The following ACTR3C variants were observed in gnomAD, a reference collection of about 807,000 sequenced individuals.
ACTR3C encodes actin related protein 3C, also known as actin-related protein 3C.
A neutral mutation model predicts 26.3 loss-of-function variants in ACTR3C; 18 were observed. The observed-to-expected ratio is 0.68, with a 90% CI of 0.47 to 1.01. The LOEUF is 1.01. Ranked by LOEUF, ACTR3C falls within the 50% of genes least tolerant of loss-of-function variation. The pLI is 0.00. For synonymous variants in ACTR3C, 55 were observed against 94.5 expected, an observed-to-expected ratio of 0.58 and a Z score of 2.42; for missense variants, 184 against 250.7, an observed-to-expected ratio of 0.73 and a Z score of 1.80.
At chr7:149,954,579 A>T in the ACTR3C span, among the ~76,000 whole-genome samples, 1 of 152,174 alleles carries the variant, frequency 6.6e-6, no homozygotes, top group African/African-American at 2.4e-5. Context: ...ATCCAATGCC[A>T]ACTATATTCC....
chr7:150,070,243 A>G, the ACTR3C span, among the ~76,000 whole-genome samples: 1 of 152,164 alleles, frequency 6.6e-6, no homozygotes, highest in African/African-American at 2.4e-5. Flanking sequence ...TCACGGCTGT[A>G]AGAACAAGGA....
chr7:150,315,924 G>A lies in ACTR3C; in HGVS notation c.-52+7545C>T, dbSNP rs1218214951. Among the ~76,000 whole-genome samples, 4 of 152,162 alleles carry A rather than the reference G, an allele frequency of 2.6e-5. No homozygotes were observed. The East Asian group carries it at 5.8e-4, about 22-fold the overall frequency. On this transcript the variant is annotated intron_variant, in intron 1 of 7. Coordinates refer to ENST00000683684, the MANE Select transcript of ACTR3C (RefSeq NM_001164458.2). ...TTAAAAACGAATGCATAGGCCGGCC[G>A]CGGTGGCTCACGCCTGTAATCCCAG...
At chr7:149,927,597 G>T in the ACTR3C span, among the ~76,000 whole-genome samples, 1 of 151,410 alleles carries the variant, frequency 6.6e-6, no homozygotes, top group Non-Finnish European at 1.5e-5. Flanking sequence ...GCATAGTGGC[G>T]CATGCCTGTA....
chr7:149,939,718 A>T, the ACTR3C span, among the ~76,000 whole-genome samples: 2 of 148,150 alleles, frequency 1.3e-5, no homozygotes, highest in African/African-American at 4.9e-5. Context: ...CTTGGCTCTG[A>T]AATTTTAGAT....
chr7:150,222,825 G>T, the ACTR3C span, among the ~76,000 whole-genome samples: 2 of 152,182 alleles, frequency 1.3e-5, no homozygotes, highest in African/African-American at 4.8e-5. Context: ...TGACTTTGAC[G>T]TAATCAGTTA....
the ACTR3C span, among the ~76,000 whole-genome samples, chr7:149,908,283 A>G: frequency 6.6e-6 from 1 of 152,172 alleles, no homozygotes; most frequent in Non-Finnish European, 1.5e-5. Context: ...AGTATTTTTT[A>G]TGGCAGCCCA....
chr7:150,041,134 C>T, the ACTR3C span, among the ~76,000 whole-genome samples: 1 of 150,466 alleles, frequency 6.6e-6, no homozygotes, highest in Admixed American at 6.6e-5. Flanking sequence ...GCTGGGGCTG[C>T]CAGAAGATTT....
chr7:149,945,279 G>A, the ACTR3C span, among the ~76,000 whole-genome samples: 1 of 149,964 alleles, frequency 6.7e-6, no homozygotes, highest in Non-Finnish European at 1.5e-5. Context: ...CTGAGGGAGG[G>A]CAAGGGGATG....
chr7:150,234,440 G>A, the ACTR3C span, among the ~76,000 whole-genome samples: 1 of 152,124 alleles, frequency 6.6e-6, no homozygotes, highest in Non-Finnish European at 1.5e-5. Context: ...CGCCCCACAT[G>A]ACCATGATGG....
At chr7:150,021,011 G>C in the ACTR3C span, among the ~76,000 whole-genome samples, 5 of 152,026 alleles carry the variant, frequency 3.3e-5, no homozygotes, top group East Asian at 9.6e-4. Flanking sequence ...AGTAGGGACA[G>C]GGTTTCACCG....
At chr7:150,190,077 T>C in the ACTR3C span, among the ~76,000 whole-genome samples, 2 of 152,254 alleles carry the variant, frequency 1.3e-5, no homozygotes, top group Non-Finnish European at 2.9e-5. Flanking sequence ...CTTGTTGTTT[T>C]GTTGTTGTTC....
chr7:149,957,380 G>C, the ACTR3C span, among the ~76,000 whole-genome samples: 1 of 152,120 alleles, frequency 6.6e-6, no homozygotes, highest in Non-Finnish European at 1.5e-5. Context: ...ATTATTTTGG[G>C]TGTGTCTATG....
chr7:150,054,839 T>C, the ACTR3C span, among the ~76,000 whole-genome samples: 1 of 152,234 alleles, frequency 6.6e-6, no homozygotes, highest in African/African-American at 2.4e-5. Flanking sequence ...TGCTATGTTC[T>C]AAGGATGAAA....
chr7:150,027,224 TCCACAATTA>T, the ACTR3C span, among the ~76,000 whole-genome samples: 1 of 152,154 alleles, frequency 6.6e-6, no homozygotes, highest in Non-Finnish European at 1.5e-5. Context: ...AACGGCACAG[TCCACAATTA>T]CCTGATACCT....
chr7:149,978,013 T>C, the ACTR3C span, among the ~76,000 whole-genome samples: 1 of 151,058 alleles, frequency 6.6e-6, no homozygotes, highest in African/African-American at 2.4e-5. Flanking sequence ...CCAGTTCTAG[T>C]TGGCAGGGGT....
chr7:150,241,324 T>G (rs1832163977), downstream of ACTR3C, among the ~76,000 whole-genome samples: 1 of 152,156 alleles, frequency 6.6e-6, no homozygotes, highest in African/African-American at 2.4e-5. Flanking sequence ...GGGGTAAATT[T>G]GACTCACACA....
the ACTR3C span, among the ~76,000 whole-genome samples, chr7:149,967,382 A>G: frequency 1.6e-4 from 25 of 152,082 alleles, no homozygotes; most frequent in East Asian, 9.7e-4. Flanking sequence ...ATGTTGGCTA[A>G]GCTGGTCTCA....
chr7:150,043,161 T>C, the ACTR3C span, among the ~76,000 whole-genome samples: 15 of 150,914 alleles, frequency 9.9e-5, no homozygotes, highest in South Asian at 2.8e-3. Flanking sequence ...CCATGTCTTA[T>C]TGTAAATCCC....
chr7:150,133,141 A>G, the ACTR3C span, among the ~76,000 whole-genome samples: 1 of 152,176 alleles, frequency 6.6e-6, no homozygotes, highest in Non-Finnish European at 1.5e-5. Context: ...CCAACAGTGT[A>G]TCACAGGCAG....
Sources: allele counts gnomAD v4.1 joint callset (sites outside exome capture counted in the v4.1 genomes callset), GRCh38; gene constraint gnomAD v4.1.1; transcripts MANE v1.5; gene names NCBI Gene and HGNC (gene_info 2026-07-23, HGNC 2026-07-21).